ADCY9: variants seen among roughly 807,000 people sequenced by gnomAD.
The protein encoded by ADCY9 is adenylate cyclase 9.
In ADCY9, 50 loss-of-function variants were observed where a neutral mutation model predicts 101.5. That is an observed-to-expected ratio of 0.49 (90% CI 0.39 to 0.62). The LOEUF (loss-of-function observed/expected upper bound fraction) is 0.62, where lower values mean the gene tolerates loss of function less well. Among genes scored for constraint, ADCY9 ranks in the 20% least tolerant of loss-of-function variants. The pLI is 0.00. For missense variants in ADCY9, 1,662 were observed against 1,800.4 expected (o/e 0.92, Z 1.39); for synonymous variants, 905 against 769.3 (o/e 1.18, Z -2.92).
intron 2 of ADCY9, among the ~76,000 whole-genome samples, chr16:4,074,293 G>A (rs2056852750): frequency 6.6e-6 from 1 of 151,776 alleles, no homozygotes; most frequent in Non-Finnish European, 1.5e-5. Context: ...ATAATATTTG[G>A]AGGCAGACTG....
At position 4,115,612 on chromosome 16, in the gene ADCY9, T is replaced by A; in HGVS notation, c.-44+78A>T. ...CCTGGACAGGCACCATCTGTTCCTG[T>A]GGTTCCCGGCTCAGCGGTGCTCCCA... On this transcript the variant is annotated intron_variant, in intron 1 of 10. Coordinates refer to ENST00000294016, the MANE Select transcript of ADCY9 (RefSeq NM_001116.4). This position sits in a 1 kb window ranked among gnomAD's most constrained non-coding sequence, Gnocchi z 6.2. 1 of 801,476 alleles carries A rather than the reference T, an allele frequency of 1.2e-6. No individual in the cohort carries two copies. The highest frequency in any genetic ancestry group is 1.9e-6 in the Non-Finnish European group (1 of 526,934). 49.6% of individuals were successfully genotyped at this position (801,476 alleles called of 1,614,324 possible).
At chr16:4,025,614 C>A (rs187119496) in intron 2 of ADCY9, among the ~76,000 whole-genome samples, 6 of 152,322 alleles carry the variant, frequency 3.9e-5, no homozygotes, top group African/African-American at 1.4e-4. Context: ...ACGAGGCCTG[C>A]CGAGGAAATG....
chr16:3,987,153 T>C (rs569711985), intron 6 of ADCY9, among the ~76,000 whole-genome samples: 7 of 152,156 alleles, frequency 4.6e-5, no homozygotes, highest in African/African-American at 1.4e-4. Context: ...GGCTCAGGAG[T>C]TCCCCCCTTG....
At chr16:4,038,417 G>A (rs1051233565) in intron 2 of ADCY9, among the ~76,000 whole-genome samples, 3 of 152,118 alleles carry the variant, frequency 2.0e-5, no homozygotes, top group Admixed American at 2.0e-4. Flanking sequence ...CTGAGGGAAC[G>A]AGTCCGTAGC....
At position 3,963,949 on chromosome 16, in the gene ADCY9, C is replaced by A. The variant is rs868589676; in HGVS notation, c.*1826G>T. On this transcript the variant is annotated 3_prime_UTR_variant, in exon 11 of 11. Transcript: ENST00000294016. ...GAAGACCAGCAAACTGACAGTCACA[C>A]CTGACAGGAAACCTTACAGCTAATG... The A allele has an allele frequency of 6.6e-6, 1 of 152,664 alleles. No individual in the cohort carries two copies. Among genetic ancestry groups the A allele is most frequent in the Non-Finnish European group, 1.5e-5 (1 of 68,048 alleles). 9.5% of individuals were successfully genotyped at this position (152,664 alleles called of 1,614,324 possible). A position where few individuals can be genotyped will look rare whatever the true frequency, so the allele number is the denominator to read the frequency against.
At chr16:4,088,966 G>A (rs1443969117) in intron 2 of ADCY9, among the ~76,000 whole-genome samples, 1 of 151,818 alleles carries the variant, frequency 6.6e-6, no homozygotes, top group Admixed American at 6.6e-5. Context: ...ACCCATCGGC[G>A]GTCACCTCCC....
intron 6 of ADCY9, among the ~76,000 whole-genome samples, chr16:3,985,597 C>A (rs558231830): frequency 6.6e-6 from 1 of 152,178 alleles, no homozygotes. Flanking sequence ...GCCTTGCCCA[C>A]ATGTGAGGCC....
intron 2 of ADCY9, among the ~76,000 whole-genome samples, chr16:4,077,618 T>A (rs17256322): frequency 0.3 from 45,393 of 152,066 alleles, 7,622 homozygotes; most frequent in South Asian, 0.41. Context: ...TCCAATTTTT[T>A]AAAATGAGAT....
intron 9 of ADCY9, among the ~76,000 whole-genome samples, chr16:3,975,672 G>C (rs1287171981): frequency 6.6e-6 from 1 of 152,194 alleles, no homozygotes; most frequent in Admixed American, 6.5e-5. Context: ...CAAGGACAAG[G>C]AAGAAATGTC....
intron 6 of ADCY9, among the ~76,000 whole-genome samples, chr16:3,984,945 G>A (rs1416015101): frequency 1.3e-5 from 2 of 152,142 alleles, no homozygotes; most frequent in Admixed American, 6.5e-5. Context: ...CTTGGACGGT[G>A]GGAGCAAGGC....
At chr16:4,005,137 A>G (rs564991211) in intron 3 of ADCY9, among the ~76,000 whole-genome samples, 1 of 152,286 alleles carries the variant, frequency 6.6e-6, no homozygotes, top group South Asian at 2.1e-4. Context: ...CTACTAGCCT[A>G]GTGAAGGCTC....
At chr16:4,066,130 C>G (rs1487119083) in intron 2 of ADCY9, among the ~76,000 whole-genome samples, 1 of 152,154 alleles carries the variant, frequency 6.6e-6, no homozygotes, top group Non-Finnish European at 1.5e-5. Context: ...ATGAACTTGC[C>G]TGAATAGTCT....
intron 2 of ADCY9, among the ~76,000 whole-genome samples, chr16:4,107,247 C>T (rs1439756857): frequency 6.6e-6 from 1 of 152,054 alleles, no homozygotes; most frequent in African/African-American, 2.4e-5. Flanking sequence ...CATAACAGAT[C>T]CTGCTCAAGA....
intron 2 of ADCY9, among the ~76,000 whole-genome samples, chr16:4,065,782 T>C (rs983213698): frequency 2.6e-5 from 4 of 152,226 alleles, no homozygotes; most frequent in African/African-American, 9.6e-5. Flanking sequence ...TTGGCCAGGC[T>C]GATCTCGAAC....
At chr16:4,097,913 A>G (rs1188906240) in intron 2 of ADCY9, among the ~76,000 whole-genome samples, 1 of 152,190 alleles carries the variant, frequency 6.6e-6, no homozygotes, top group African/African-American at 2.4e-5. Flanking sequence ...ATGCCTGGCT[A>G]TATTCCCAGC....
intron 6 of ADCY9, among the ~76,000 whole-genome samples, chr16:3,987,337 G>GA (rs1311955148): frequency 2.5e-4 from 38 of 152,358 alleles, no homozygotes; most frequent in African/African-American, 8.4e-4. Flanking sequence ...TTGGTGCCTG[G>GA]AGGAAGGCAT....
chr16:3,972,522 C>T (rs1259986842), intron 10 of ADCY9, among the ~76,000 whole-genome samples: 1 of 152,138 alleles, frequency 6.6e-6, no homozygotes, highest in Non-Finnish European at 1.5e-5. Context: ...CGTGAGCCAC[C>T]ACACCTGGCT....
intron 10 of ADCY9, among the ~76,000 whole-genome samples, chr16:3,972,823 T>C (rs1454897034): frequency 2.6e-5 from 4 of 152,110 alleles, no homozygotes; most frequent in Non-Finnish European, 4.4e-5. Context: ...GGTAATGCTC[T>C]ACTTCTTGGT....
intron 3 of ADCY9, among the ~76,000 whole-genome samples, chr16:4,001,188 G>T (rs2531972): frequency 6.6e-6 from 1 of 152,000 alleles, no homozygotes; most frequent in South Asian, 2.1e-4. Flanking sequence ...CCCAGTTTCC[G>T]CACCGTCCCT....
Sources: allele counts gnomAD v4.1 joint callset (sites outside exome capture counted in the v4.1 genomes callset), GRCh38; gene constraint gnomAD v4.1.1; non-coding constraint Gnocchi (gnomAD v3.1); transcripts MANE v1.5; gene names NCBI Gene and HGNC (gene_info 2026-07-23, HGNC 2026-07-21).